Variants in NEK11 observed in about 807,000 individuals in gnomAD.
NEK11 encodes serine/threonine-protein kinase Nek11.
Under a neutral mutation model 80.7 loss-of-function variants are expected in NEK11, and 72 were observed. The ratio of observed to expected loss-of-function variants is 0.89; its 90% confidence interval spans 0.74 to 1.08. NEK11 has a LOEUF of 1.08. NEK11 is among the 50% of genes least tolerant of loss of function. The pLI is 0.00. For synonymous variants in NEK11, 251 were observed against 260.7 expected, an observed-to-expected ratio of 0.96 and a Z score of 0.36; for missense variants, 764 against 763.6, an observed-to-expected ratio of 1.00 and a Z score of -0.01.
At chr3:131,224,164 G>A (rs1229668950) in intron 14 of NEK11, among the ~76,000 whole-genome samples, 1 of 152,008 alleles carries the variant, frequency 6.6e-6, no homozygotes, top group Non-Finnish European at 1.5e-5. Flanking sequence ...TCATATAAAA[G>A]TGTAATGCAT....
At chr3:131,151,390 A>G (rs531895989) in intron 7 of NEK11, among the ~76,000 whole-genome samples, 1 of 152,218 alleles carries the variant, frequency 6.6e-6, no homozygotes, top group East Asian at 1.9e-4. Flanking sequence ...AAATATTCTC[A>G]GTGTACATAT....
At chr3:131,083,208 T>C (rs1265941948) in intron 4 of NEK11, among the ~76,000 whole-genome samples, 1 of 152,252 alleles carries the variant, frequency 6.6e-6, no homozygotes, top group Non-Finnish European at 1.5e-5. Flanking sequence ...ACAGTCTATA[T>C]TGTCTGAATT....
chr3:131,096,738 T>A (rs889484498), intron 4 of NEK11, among the ~76,000 whole-genome samples: 1 of 151,978 alleles, frequency 6.6e-6, no homozygotes, highest in African/African-American at 2.4e-5. Context: ...AATTTTATTT[T>A]ATTATTATTG....
At chr3:131,335,848 TG>T (rs1376027819) in intron 17 of NEK11, among the ~76,000 whole-genome samples, 1 of 152,150 alleles carries the variant, frequency 6.6e-6, no homozygotes, top group Non-Finnish European at 1.5e-5. Context: ...AGCCAAATCA[TG>T]AGTGAACTCC....
In NEK11 at chr3:131,155,122, G is replaced by C. The variant is rs753986678; in HGVS notation, c.962+1G>C. On this transcript the variant is annotated splice_donor_variant, in intron 10 of 17. Coordinates refer to ENST00000383366, the MANE Select transcript of NEK11 (RefSeq NM_024800.5). LOFTEE classifies it high-confidence loss of function. Reference sequence around the variant, plus strand: ...AGGCTGCTCATATAATTAATGCCATGTAAGTAATTGCTTTGTTTTTAAAAA... The same window carrying C: ...AGGCTGCTCATATAATTAATGCCATCTAAGTAATTGCTTTGTTTTTAAAAA... 1.9e-6 allele frequency: 3 copies of C among 1,589,008 alleles called. No homozygotes were observed. Among genetic ancestry groups the C allele is most frequent in the Admixed American group, 1.7e-5 (1 of 59,628 alleles).
rs57370577 is a variant in NEK11 at position 131,214,695 on chromosome 3, A to ATGTGTGTGTGTG, written c.1400-13815_1400-13804dup. ...ATTTCTGTCACGTGAATGTGCGTGC[A>ATGTGTGTGTGTG]TGTGTGTGTGTGTGTGTGTGTGTGT... is the stretch of plus-strand genomic sequence containing the variant. On this transcript the variant is annotated intron_variant, in intron 14 of 17. Transcript: ENST00000383366. Among the ~76,000 whole-genome samples, 25 of 147,664 alleles carry ATGTGTGTGTGTG rather than the reference A, an allele frequency of 1.7e-4. No homozygotes were observed. The South Asian group carries it at 2.4e-3, about 14-fold the overall frequency.
intron 16 of NEK11, among the ~76,000 whole-genome samples, chr3:131,265,856 G>T (rs1162641551): frequency 6.6e-6 from 1 of 151,946 alleles, no homozygotes; most frequent in African/African-American, 2.4e-5. Context: ...GACTTTTTTT[G>T]GTTGGTAGGC....
Position 131,064,465 on chromosome 3 carries a change from T to C in NEK11, c.171-15958T>C, listed in dbSNP as rs147511772. ...TCTCCTTATAAGAACAACACTTATA[T>C]AGGATTAGGGCCCACTCTGCTGGCC... On this transcript the variant is annotated intron_variant, in intron 3 of 17. Transcript: ENST00000383366. Among the ~76,000 whole-genome samples, 812 of 152,196 alleles carry C rather than the reference T, an allele frequency of 5.3e-3. 9 individuals carry two copies. The highest frequency in any genetic ancestry group is 0.018 in the African/African-American group (744 of 41,494).
chr3:131,235,829 G>T (rs751945798), intron 15 of NEK11, among the ~76,000 whole-genome samples: 2 of 152,178 alleles, frequency 1.3e-5, no homozygotes, highest in East Asian at 3.8e-4. Flanking sequence ...GTTTAAACCA[G>T]CAAATATTCG....
intron 17 of NEK11, among the ~76,000 whole-genome samples, chr3:131,335,939 C>T (rs1035443905): frequency 6.6e-6 from 1 of 152,070 alleles, no homozygotes; most frequent in African/African-American, 2.4e-5. Flanking sequence ...TCAAGGAGAA[C>T]TACAAACCAC....
At chr3:131,139,996 T>C (rs958165625) in intron 7 of NEK11, among the ~76,000 whole-genome samples, 5 of 152,152 alleles carry the variant, frequency 3.3e-5, no homozygotes, top group Non-Finnish European at 2.9e-5. Context: ...CCATGATCCA[T>C]AGGGGCATGT....
chr3:131,047,823 TGG>T (rs2067649853), intron 3 of NEK11, among the ~76,000 whole-genome samples: 1 of 152,182 alleles, frequency 6.6e-6, no homozygotes, highest in Admixed American at 6.5e-5. Context: ...AGGTGGTAGG[TGG>T]GACCATAGAG....
chr3:131,108,162 G>A (rs7634905), intron 4 of NEK11, among the ~76,000 whole-genome samples: 28,005 of 152,030 alleles, frequency 0.18, 2,664 homozygotes, highest in Middle Eastern at 0.22. Flanking sequence ...ACGGCCCTGT[G>A]TAGGAGAGAA....
chr3:131,044,855 C>T (rs1368986992), intron 3 of NEK11, among the ~76,000 whole-genome samples: 2 of 152,078 alleles, frequency 1.3e-5, no homozygotes, highest in African/African-American at 2.4e-5. Flanking sequence ...ATTCTAAAAT[C>T]GACCACATAA....
chr3:131,102,013 C>A (rs549726863), intron 4 of NEK11, among the ~76,000 whole-genome samples: 8 of 152,184 alleles, frequency 5.3e-5, no homozygotes, highest in South Asian at 4.1e-4. Context: ...GGTTTAAAAT[C>A]TGGGTTATTT....
At chr3:131,184,359 TAAC>T (rs1413070676) in intron 14 of NEK11, among the ~76,000 whole-genome samples, 1 of 152,190 alleles carries the variant, frequency 6.6e-6, no homozygotes, top group Non-Finnish European at 1.5e-5. Flanking sequence ...GATGCATTTT[TAAC>T]AACATCTCAG....
At chr3:131,161,941 C>T (rs1351894724) in intron 10 of NEK11, among the ~76,000 whole-genome samples, 2 of 152,192 alleles carry the variant, frequency 1.3e-5, no homozygotes, top group African/African-American at 4.8e-5. Flanking sequence ...ATGATACTTA[C>T]TGTAGCCCAT....
chr3:131,276,715 G>A (rs1339575611), intron 17 of NEK11, among the ~76,000 whole-genome samples: 1 of 151,954 alleles, frequency 6.6e-6, no homozygotes, highest in African/African-American at 2.4e-5. Flanking sequence ...TAAATGAGTA[G>A]CTTCTAAAAA....
At chr3:131,094,423 G>C (rs1025091513) in intron 4 of NEK11, among the ~76,000 whole-genome samples, 1 of 152,108 alleles carries the variant, frequency 6.6e-6, no homozygotes, top group Admixed American at 6.6e-5. Context: ...TTTATAAGGG[G>C]TCAATCTGTG....
Sources: gnomAD v4.1 joint callset for allele counts (sites outside exome capture counted in the v4.1 genomes callset) on GRCh38, gnomAD v4.1.1 for gene constraint, MANE v1.5 for transcripts, NCBI Gene and HGNC (gene_info 2026-07-23, HGNC 2026-07-21) for gene names.